DCUN1D4: variants seen among roughly 807,000 people sequenced by gnomAD.
DCUN1D4 encodes the protein defective in cullin neddylation 1 domain containing 4, also known as DCN1-like protein 4.
Under a neutral mutation model 47.9 loss-of-function variants are expected in DCUN1D4, and 22 were observed. The observed-to-expected ratio is 0.46, with a 90% CI of 0.33 to 0.66. The LOEUF is 0.66. DCUN1D4 is among the 30% of genes least tolerant of loss of function. The pLI, the probability that DCUN1D4 is intolerant of heterozygous loss-of-function variation, is 0.02. For missense variants in DCUN1D4, 301 were observed against 340.8 expected, an observed-to-expected ratio of 0.88 and a Z score of 0.92; for synonymous variants, 121 against 112.2, an observed-to-expected ratio of 1.08 and a Z score of -0.50.
chr4:51,838,641 C>G (rs1005391571), upstream of DCUN1D4, among the ~76,000 whole-genome samples: 1 of 152,134 alleles, frequency 6.6e-6, no homozygotes, highest in Non-Finnish European at 1.5e-5. Flanking sequence ...CCTCAGCCTC[C>G]GAAAGTGCTG....
chr4:51,851,203 A>G (rs955187138), intron 1 of DCUN1D4, among the ~76,000 whole-genome samples: 6 of 152,184 alleles, frequency 3.9e-5, no homozygotes, highest in African/African-American at 1.4e-4. Flanking sequence ...TGTCACAGGC[A>G]GGACTGTGTG....
chr4:51,886,648 A>G lies in DCUN1D4; in HGVS notation c.414+10A>G. On this transcript the variant is annotated intron_variant, in intron 6 of 10. Coordinates refer to ENST00000334635, the MANE Select transcript of DCUN1D4 (RefSeq NM_001040402.3). Reference sequence around the variant, plus strand: ...TGTTGAACCAGAAAACGTGAGTCAAACTTACTGAGTTGGGTGAATCAGTTG... The same window carrying G: ...TGTTGAACCAGAAAACGTGAGTCAAGCTTACTGAGTTGGGTGAATCAGTTG... 1.2e-6 allele frequency: 2 copies of G among 1,612,124 alleles called. No individual in the cohort carries two copies. Among genetic ancestry groups the G allele is most frequent in the Non-Finnish European group, 1.7e-6 (2 of 1,178,366 alleles).
chr4:51,853,338 C>T (rs1723645086), intron 1 of DCUN1D4, among the ~76,000 whole-genome samples: 1 of 152,186 alleles, frequency 6.6e-6, no homozygotes, highest in African/African-American at 2.4e-5. Flanking sequence ...TCTCCTTTGG[C>T]TTTTGTGCCT....
Position 51,913,375 on chromosome 4 carries a change from A to G in DCUN1D4, c.806A>G (p.Tyr269Cys), listed in dbSNP as rs780504863. ...ACAATTAATCTTGACCTCAGCAACT[A>G]TGATGAAGATGGAGCATGTAAGTAC... ...SRTINLDLSNYDEDGAWPVLL... is the reference protein window; with the variant it reads ...SRTINLDLSNCDEDGAWPVLL... Residue 269 changes from tyrosine (Y) to cysteine (C), a missense_variant, in exon 10 of 11, where the codon TAT becomes TGT. Tyr to Cys is a radical substitution (Grantham distance 194). Transcript: ENST00000334635. 6.2e-7 allele frequency: 1 copy of G among 1,611,996 alleles called. No individual in the cohort carries two copies. Among genetic ancestry groups the G allele is most frequent in the Non-Finnish European group, 8.5e-7 (1 of 1,178,460 alleles).
intron 3 of DCUN1D4, among the ~76,000 whole-genome samples, chr4:51,871,884 A>G (rs959741437): frequency 4.6e-5 from 7 of 152,192 alleles, no homozygotes; most frequent in African/African-American, 1.7e-4. Context: ...AGCATTTTAC[A>G]GGGAAGATGA....
chr4:51,898,040 A>G (rs1731533005), intron 7 of DCUN1D4, among the ~76,000 whole-genome samples: 1 of 152,220 alleles, frequency 6.6e-6, no homozygotes, highest in African/African-American at 2.4e-5. Flanking sequence ...GGATGCTATA[A>G]CCATTGTGTG....
At chr4:51,884,118 G>A (rs1729102445) in intron 5 of DCUN1D4, among the ~76,000 whole-genome samples, 1 of 152,002 alleles carries the variant, frequency 6.6e-6, no homozygotes, top group South Asian at 2.1e-4. Context: ...GTGTAATGAA[G>A]TAGAACATTT....
At chr4:51,864,088 A>G (rs1241456148) in intron 3 of DCUN1D4, among the ~76,000 whole-genome samples, 2 of 152,242 alleles carry the variant, frequency 1.3e-5, no homozygotes, top group South Asian at 2.1e-4. Flanking sequence ...GTATGTGTTC[A>G]TAGTTACTGA....
At chr4:51,846,736 C>T (rs1193027573) in intron 1 of DCUN1D4, among the ~76,000 whole-genome samples, 2 of 152,132 alleles carry the variant, frequency 1.3e-5, no homozygotes, top group Non-Finnish European at 2.9e-5. Context: ...TATTATTGTT[C>T]GGTAGCAAGA....
chr4:51,893,435 C>A (rs1026717489), intron 7 of DCUN1D4, among the ~76,000 whole-genome samples: 1 of 143,702 alleles, frequency 7.0e-6, no homozygotes, highest in African/African-American at 2.9e-5. Flanking sequence ...CTTTTCTTTT[C>A]TTTTTTTTGA....
intron 1 of DCUN1D4, among the ~76,000 whole-genome samples, chr4:51,849,975 T>A (rs1336367116): frequency 3.3e-5 from 5 of 152,178 alleles, no homozygotes; most frequent in Non-Finnish European, 7.3e-5. Flanking sequence ...AAAATTATAC[T>A]CATTTTAAGT....
chr4:51,877,766 G>A lies in DCUN1D4; in HGVS notation c.255G>A (p.Met85Ile). ...LSAKKSRHDSMYRKYDSTRIK... is the reference protein window; with the variant it reads ...LSAKKSRHDSIYRKYDSTRIK... ...AAACTGCCTTTTCAATTTCCAGCATGTATAGAAAATATGATTCGACTAGAA... is the reference window on the plus strand; with the variant it reads ...AAACTGCCTTTTCAATTTCCAGCATATATAGAAAATATGATTCGACTAGAA... Residue 85 changes from methionine (M) to isoleucine (I), a missense_variant, in exon 5 of 11, where the codon ATG becomes ATA. Physicochemically the swap from Met to Ile is conservative, Grantham distance 10. Transcript: ENST00000334635. 1 of 1,601,438 alleles carries A rather than the reference G, an allele frequency of 6.2e-7. No homozygotes were observed. The highest frequency in any genetic ancestry group is 2.2e-5 in the East Asian group (1 of 44,738).
chr4:51,907,140 T>A (rs1269736976), intron 8 of DCUN1D4, among the ~76,000 whole-genome samples: 1 of 152,208 alleles, frequency 6.6e-6, no homozygotes, highest in Non-Finnish European at 1.5e-5. Flanking sequence ...GACATTTTTT[T>A]AGAGTAGTGC....
At chr4:51,910,050 C>A (rs1175443810) in intron 8 of DCUN1D4, among the ~76,000 whole-genome samples, 1 of 152,176 alleles carries the variant, frequency 6.6e-6, no homozygotes, top group African/African-American at 2.4e-5. Context: ...GTGGTCACAG[C>A]ATCATCCCTT....
At chr4:51,842,019 T>C (rs1488049684), upstream of DCUN1D4, among the ~76,000 whole-genome samples, 1 of 151,654 alleles carries the variant, frequency 6.6e-6, no homozygotes, top group Non-Finnish European at 1.5e-5. Context: ...TCCGTTAATA[T>C]CTCGAAATAT....
At chr4:51,893,739 C>T (rs371783523) in intron 7 of DCUN1D4, among the ~76,000 whole-genome samples, 12 of 152,216 alleles carry the variant, frequency 7.9e-5, no homozygotes, top group African/African-American at 2.7e-4. Flanking sequence ...CTGAGTAGAG[C>T]AGCCGATGGC....
chr4:51,878,197 C>G (rs1043899573), intron 5 of DCUN1D4, among the ~76,000 whole-genome samples: 3 of 151,870 alleles, frequency 2.0e-5, no homozygotes, highest in Admixed American at 6.5e-5. Flanking sequence ...GCTTTGAACC[C>G]TTACTTAGTG....
At chr4:51,896,701 C>T (rs1485950722) in intron 7 of DCUN1D4, among the ~76,000 whole-genome samples, 1 of 151,998 alleles carries the variant, frequency 6.6e-6, no homozygotes, top group Non-Finnish European at 1.5e-5. Flanking sequence ...CTTTCTAGTC[C>T]CTGTGACCCC....
chr4:51,913,874 G>A lies in DCUN1D4; in HGVS notation c.*290G>A, dbSNP rs147584407. 325 of 323,626 alleles carry A rather than the reference G, an allele frequency of 1.0e-3. 4 individuals are homozygous for A. The East Asian group carries it at 0.016, about 16-fold the overall frequency. 20.0% of individuals were successfully genotyped at this position (323,626 alleles called of 1,614,324 possible). Reference sequence around the variant, plus strand: ...TTAAATTTTGTATATGTGTATAAAAGGAAAAAGGTTCACCTAGAGATTATT... The same window carrying A: ...TTAAATTTTGTATATGTGTATAAAAAGAAAAAGGTTCACCTAGAGATTATT... On this transcript the variant is annotated 3_prime_UTR_variant, in exon 11 of 11. Transcript: ENST00000334635.
Sources: gnomAD v4.1 joint callset for allele counts (sites outside exome capture counted in the v4.1 genomes callset) on GRCh38, gnomAD v4.1.1 for gene constraint, MANE v1.5 for transcripts, NCBI Gene and HGNC (gene_info 2026-07-23, HGNC 2026-07-21) for gene names.